Variants in NALF1 observed in about 807,000 individuals in gnomAD.
NALF1 encodes family with sequence similarity 155 member A.
Under a neutral mutation model 48.4 loss-of-function variants are expected in NALF1, and 3 were observed. That is an observed-to-expected ratio of 0.06 (90% CI 0.03 to 0.16). NALF1 has a LOEUF of 0.16. Ranked by LOEUF, NALF1 falls within the 10% of genes least tolerant of loss-of-function variation. The pLI, the probability that NALF1 is intolerant of heterozygous loss-of-function variation, is 1.00. For synonymous variants in NALF1, 262 were observed against 245.7 expected (o/e 1.07, Z -0.62); for missense variants, 526 against 571.5 (o/e 0.92, Z 0.81).
intron 1 of NALF1, among the ~76,000 whole-genome samples, chr13:107,782,964 A>G (rs1251361249): frequency 1.8e-5 from 2 of 109,346 alleles, no homozygotes; most frequent in South Asian, 3.3e-4. Context: ...TCCGGGAGGG[A>G]GGTGGGGGGT....
At chr13:107,367,546 G>C (rs144000882) in intron 1 of NALF1, among the ~76,000 whole-genome samples, 1 of 152,274 alleles carries the variant, frequency 6.6e-6, no homozygotes, top group East Asian at 1.9e-4. Flanking sequence ...TTACAGAAGT[G>C]GCCTGAGTGT....
At chr13:107,782,787 A>G (rs1187675183) in intron 1 of NALF1, among the ~76,000 whole-genome samples, 1 of 145,848 alleles carries the variant, frequency 6.9e-6, no homozygotes, top group Non-Finnish European at 1.5e-5. Context: ...CAGCCGCCCC[A>G]TCTGAGAAGG....
intron 1 of NALF1, among the ~76,000 whole-genome samples, chr13:107,794,645 T>TAA (rs148097322): frequency 7.0e-5 from 10 of 142,658 alleles, no homozygotes; most frequent in South Asian, 2.2e-4. Flanking sequence ...ATAATTGAGT[T>TAA]AAAAAAAAAA....
At chr13:107,812,621 T>C (rs1281798131) in intron 1 of NALF1, among the ~76,000 whole-genome samples, 1 of 152,214 alleles carries the variant, frequency 6.6e-6, no homozygotes, top group African/African-American at 2.4e-5. Context: ...ATTAATTTCA[T>C]ATTTAGCATG....
chr13:107,445,402 C>A (rs950867991), intron 1 of NALF1, among the ~76,000 whole-genome samples: 2 of 152,154 alleles, frequency 1.3e-5, no homozygotes, highest in Admixed American at 6.6e-5. Context: ...CCATTTGTAT[C>A]AATAATTTGT....
At chr13:107,440,408 G>A (rs2139025494) in intron 1 of NALF1, among the ~76,000 whole-genome samples, 1 of 152,276 alleles carries the variant, frequency 6.6e-6, no homozygotes, top group East Asian at 1.9e-4. Context: ...GACGAAGCCA[G>A]CTTGCAAGAA....
intron 1 of NALF1, among the ~76,000 whole-genome samples, chr13:107,823,794 C>T (rs1879429064): frequency 6.6e-6 from 1 of 152,096 alleles, no homozygotes; most frequent in Admixed American, 6.6e-5. Context: ...GGTTATGCTG[C>T]TTACTAGCTG....
At chr13:107,203,987 AG>A (rs1879578368) in intron 2 of NALF1, among the ~76,000 whole-genome samples, 1 of 136,628 alleles carries the variant, frequency 7.3e-6, no homozygotes, top group Non-Finnish European at 1.7e-5. Context: ...AGTGTCACCC[AG>A]GTGAGCTGGA....
At chr13:107,664,876 T>A (rs1043735496) in intron 1 of NALF1, among the ~76,000 whole-genome samples, 2 of 151,872 alleles carry the variant, frequency 1.3e-5, no homozygotes, top group Non-Finnish European at 2.9e-5. Flanking sequence ...TGCCCAGGGG[T>A]TTTTGTCCTC....
intron 1 of NALF1, among the ~76,000 whole-genome samples, chr13:107,496,951 A>G (rs1309847759): frequency 6.6e-6 from 1 of 152,192 alleles, no homozygotes; most frequent in Non-Finnish European, 1.5e-5. Context: ...AGAATTCAAG[A>G]TGAGATTTGG....
intron 1 of NALF1, among the ~76,000 whole-genome samples, chr13:107,430,634 AT>A (rs1465356743): frequency 2.0e-5 from 3 of 152,030 alleles, no homozygotes; most frequent in Admixed American, 2.0e-4. Flanking sequence ...TGAACTCATC[AT>A]TTTTTATGGC....
At chr13:107,225,047 C>T (rs904359619) in intron 1 of NALF1, among the ~76,000 whole-genome samples, 5 of 152,120 alleles carry the variant, frequency 3.3e-5, no homozygotes, top group African/African-American at 9.7e-5. Context: ...TCACTCTTGT[C>T]ACCCAGGCTG....
chr13:107,482,032 T>C (rs976713905), intron 1 of NALF1, among the ~76,000 whole-genome samples: 7 of 152,252 alleles, frequency 4.6e-5, no homozygotes, highest in Middle Eastern at 6.8e-3. Context: ...AGAGAGTTGG[T>C]CAAACACCTA....
intron 1 of NALF1, among the ~76,000 whole-genome samples, chr13:107,837,814 T>C (rs1879940799): frequency 1.3e-5 from 2 of 152,008 alleles, no homozygotes; most frequent in African/African-American, 2.4e-5. Flanking sequence ...CAGTTCTTTC[T>C]GCAAAAAAGC....
intron 1 of NALF1, among the ~76,000 whole-genome samples, chr13:107,691,991 C>T (rs527813971): frequency 6.6e-5 from 10 of 152,180 alleles, no homozygotes; most frequent in South Asian, 4.1e-4. Context: ...ATATATTGTT[C>T]TTGTTCAATA....
chr13:107,825,757 T>C (rs1011206445), intron 1 of NALF1, among the ~76,000 whole-genome samples: 1 of 152,234 alleles, frequency 6.6e-6, no homozygotes, highest in African/African-American at 2.4e-5. Context: ...ATCCATATTT[T>C]GACTATAACT....
intron 1 of NALF1, among the ~76,000 whole-genome samples, chr13:107,488,608 T>G: frequency 6.6e-6 from 1 of 152,224 alleles, no homozygotes; most frequent in Non-Finnish European, 1.5e-5. Context: ...AAACTACATA[T>G]TGAAGGTACA....
In NALF1 at chr13:107,824,406, ATT is replaced by A. The variant is rs1382106498; in HGVS notation, c.915+41274_915+41275del. On this transcript the variant is annotated intron_variant, in intron 1 of 2. Coordinates refer to ENST00000375915, the MANE Select transcript of NALF1 (RefSeq NM_001080396.3). ...TGAATAGATGAATTTCCCTAAAGCT[ATT>A]TTCTCCCCTAATTTTCTTAGCTACC... 5.9e-5 allele frequency among the ~76,000 whole-genome samples: 9 copies of A among 152,236 alleles called. No individual in the cohort carries two copies. In the South Asian group the frequency reaches 1.2e-3, roughly 21 times the overall value.
intron 1 of NALF1, among the ~76,000 whole-genome samples, chr13:107,681,000 TC>T (rs1034387868): frequency 5.1e-4 from 78 of 151,928 alleles, no homozygotes; most frequent in South Asian, 3.5e-3. Flanking sequence ...TTTTCAGTTT[TC>T]TGCCTGTTTT....
Sources: gnomAD v4.1 joint callset for allele counts (sites outside exome capture counted in the v4.1 genomes callset) on GRCh38, gnomAD v4.1.1 for gene constraint, MANE v1.5 for transcripts, NCBI Gene and HGNC (gene_info 2026-07-23, HGNC 2026-07-21) for gene names.